Variants in CPM observed in about 807,000 individuals in gnomAD.
CPM encodes the protein carboxypeptidase M.
In CPM, 35 loss-of-function variants were observed where a neutral mutation model predicts 46.4. The observed-to-expected ratio is 0.75, with a 90% confidence interval of 0.58 to 1.00. CPM has a LOEUF of 1.00. CPM is among the 50% of genes least tolerant of loss of function. The pLI, the probability that CPM is intolerant of heterozygous loss-of-function variation, is 0.00. For missense variants in CPM, 422 were observed against 530.4 expected (o/e 0.80, Z 2.01); for synonymous variants, 195 against 195.3 (o/e 1.00, Z 0.01).
At chr12:68,883,313 C>T (rs1198303611) in intron 3 of CPM, among the ~76,000 whole-genome samples, 1 of 152,162 alleles carries the variant, frequency 6.6e-6, no homozygotes, top group African/African-American at 2.4e-5. Flanking sequence ...TTGTTATATC[C>T]TGTATTCAGA....
chr12:68,896,897 G>A (rs1171276723), intron 2 of CPM, among the ~76,000 whole-genome samples: 1 of 151,424 alleles, frequency 6.6e-6, no homozygotes, highest in African/African-American at 2.4e-5. Context: ...ATTAGGGACA[G>A]TTACGTTTTT....
intron 2 of CPM, among the ~76,000 whole-genome samples, chr12:68,920,857 A>AT (rs531190883): frequency 0.05 from 6,860 of 138,484 alleles, 182 homozygotes; most frequent in Middle Eastern, 0.1. Flanking sequence ...TGCCTGGCTA[A>AT]TTTTTTTTTT....
intron 2 of CPM, among the ~76,000 whole-genome samples, chr12:68,891,783 C>T (rs1886663313): frequency 6.6e-6 from 1 of 152,034 alleles, no homozygotes; most frequent in Non-Finnish European, 1.5e-5. Flanking sequence ...GTCCCCCAGG[C>T]TGGAGTGCAT....
chr12:68,875,666 T>A (rs982376003), intron 3 of CPM, among the ~76,000 whole-genome samples: 3 of 150,150 alleles, frequency 2.0e-5, no homozygotes, highest in African/African-American at 7.3e-5. Flanking sequence ...ATTAGCCAGG[T>A]GTAGTGGCAG....
intron 3 of CPM, among the ~76,000 whole-genome samples, chr12:68,875,059 T>TA (rs1304809993): frequency 6.6e-6 from 1 of 152,082 alleles, no homozygotes; most frequent in Non-Finnish European, 1.5e-5. Context: ...GAACAAAATA[T>TA]AAAAGTTGAG....
chr12:68,903,396 T>C (rs1311354594), intron 2 of CPM, among the ~76,000 whole-genome samples: 1 of 152,220 alleles, frequency 6.6e-6, no homozygotes, highest in Non-Finnish European at 1.5e-5. Flanking sequence ...GAACTGTCTG[T>C]CAGAGTAGGC....
intron 1 of CPM, among the ~76,000 whole-genome samples, chr12:68,947,401 A>G (rs1235404706): frequency 6.6e-6 from 1 of 152,144 alleles, no homozygotes; most frequent in African/African-American, 2.4e-5. Context: ...GTTCAAGACC[A>G]GCCTGGCCAA....
At chr12:68,860,284 T>A (rs934015008) in intron 7 of CPM, among the ~76,000 whole-genome samples, 2 of 152,212 alleles carry the variant, frequency 1.3e-5, no homozygotes, top group Non-Finnish European at 2.9e-5. Flanking sequence ...TCACTTCGTG[T>A]GTTCCTCTTT....
At chr12:68,913,414 A>C (rs1887680277) in intron 2 of CPM, among the ~76,000 whole-genome samples, 3 of 152,192 alleles carry the variant, frequency 2.0e-5, no homozygotes, top group Non-Finnish European at 2.9e-5. Context: ...GGGGAGGGCC[A>C]ACAGTGGGAT....
chr12:68,878,875 C>T (rs1158406867), intron 3 of CPM, among the ~76,000 whole-genome samples: 2 of 152,210 alleles, frequency 1.3e-5, no homozygotes, highest in East Asian at 1.9e-4. Context: ...TCCTACCCCC[C>T]ATCTCCCCAA....
chr12:68,918,098 TG>T (rs1887883914), intron 2 of CPM, among the ~76,000 whole-genome samples: 1 of 152,204 alleles, frequency 6.6e-6, no homozygotes, highest in Admixed American at 6.5e-5. Context: ...TAGGTGGTCA[TG>T]GTACTCCCCA....
At chr12:68,958,451 G>A (rs574293625) in intron 1 of CPM, among the ~76,000 whole-genome samples, 37 of 151,480 alleles carry the variant, frequency 2.4e-4, no homozygotes, top group African/African-American at 7.5e-4. Context: ...CTTTTCTGTC[G>A]CAGGAAATGA....
chr12:68,928,022 T>G (rs1348682934), intron 2 of CPM, among the ~76,000 whole-genome samples: 1 of 152,124 alleles, frequency 6.6e-6, no homozygotes, highest in South Asian at 2.1e-4. Flanking sequence ...AAAAACTACT[T>G]TAAAGTTCAT....
intron 3 of CPM, among the ~76,000 whole-genome samples, chr12:68,875,100 A>C (rs12579427): frequency 0.63 from 95,249 of 151,930 alleles, 29,930 homozygotes; most frequent in East Asian, 0.71. Flanking sequence ...CCTGTAATCC[A>C]AGCACTTTGG....
chr12:68,924,979 G>A (rs771656614), intron 2 of CPM, among the ~76,000 whole-genome samples: 2 of 152,180 alleles, frequency 1.3e-5, no homozygotes, highest in Non-Finnish European at 2.9e-5. Flanking sequence ...AGGACTCCTA[G>A]TAGAGGAATT....
chr12:68,940,104 T>C (rs1055046040), intron 1 of CPM, among the ~76,000 whole-genome samples: 5 of 152,050 alleles, frequency 3.3e-5, no homozygotes, highest in African/African-American at 1.2e-4. Flanking sequence ...ATTTTTATTT[T>C]TTCATTTTTC....
At chr12:68,931,763 AAAAGAAAGAAAG>A (rs1287718409) in intron 2 of CPM, among the ~76,000 whole-genome samples, 211 of 132,526 alleles carry the variant, frequency 1.6e-3, no homozygotes, top group African/African-American at 5.7e-3. Flanking sequence ...AAAAAAAAAA[AAAAGAAAGAAAG>A]AAAGAAAGAA....
At chr12:68,954,715 T>G (rs1888985243) in intron 1 of CPM, among the ~76,000 whole-genome samples, 1 of 152,176 alleles carries the variant, frequency 6.6e-6, no homozygotes, top group South Asian at 2.1e-4. Flanking sequence ...TTAATAGGCC[T>G]CTCAAACTCA....
At chr12:68,883,315 G>A (rs1886277928) in intron 3 of CPM, among the ~76,000 whole-genome samples, 5 of 152,226 alleles carry the variant, frequency 3.3e-5, no homozygotes, top group Admixed American at 3.3e-4. Flanking sequence ...GTTATATCCT[G>A]TATTCAGAAG....
Sources: gnomAD v4.1 joint callset for allele counts (sites outside exome capture counted in the v4.1 genomes callset) on GRCh38, gnomAD v4.1.1 for gene constraint, MANE v1.5 for transcripts, NCBI Gene and HGNC (gene_info 2026-07-23, HGNC 2026-07-21) for gene names.